The following DCDC1 variants were observed in gnomAD, a reference collection of about 807,000 sequenced individuals.
The protein encoded by DCDC1 is doublecortin domain-containing protein 1.
In DCDC1, 200 loss-of-function variants were observed where a neutral mutation model predicts 178.3. That is an observed-to-expected ratio of 1.12 (90% CI 1.00 to 1.26). DCDC1 has a LOEUF of 1.26. DCDC1 is among the 50% of genes most tolerant of loss of function. The probability of loss-of-function intolerance (pLI) is 0.00; values close to 1 mark genes in which losing one functional copy is unlikely to be tolerated. For synonymous variants in DCDC1, 690 were observed against 604.8 expected, an observed-to-expected ratio of 1.14 and a Z score of -2.07; for missense variants, 1,983 against 1,749.2, an observed-to-expected ratio of 1.13 and a Z score of -2.38.
At chr11:31,102,907 A>T (rs1318614562) in intron 14 of DCDC1, among the ~76,000 whole-genome samples, 1 of 152,184 alleles carries the variant, frequency 6.6e-6, no homozygotes, top group Non-Finnish European at 1.5e-5. Context: ...TCTGGGTTAG[A>T]ATCCTGGCTC....
intron 21 of DCDC1, chr11:30,944,179 T>C (rs1005730329): frequency 2.3e-4 from 83 of 367,676 alleles, no homozygotes; most frequent in Middle Eastern, 1.5e-3. Context: ...AAACTTTTTC[T>C]GTGAGTTTCT....
intron 6 of DCDC1, among the ~76,000 whole-genome samples, chr11:31,292,022 C>A (rs931864837): frequency 6.6e-6 from 1 of 151,930 alleles, no homozygotes; most frequent in African/African-American, 2.4e-5. Context: ...TATTCTTACC[C>A]CCCTTTCACT....
intron 20 of DCDC1, among the ~76,000 whole-genome samples, chr11:31,049,642 G>A (rs1047300722): frequency 7.9e-5 from 12 of 152,156 alleles, no homozygotes; most frequent in African/African-American, 2.9e-4. Context: ...GAAGTGGACT[G>A]CTCCTGCAGG....
chr11:31,210,404 C>T (rs1045532896), intron 9 of DCDC1, among the ~76,000 whole-genome samples: 2 of 152,136 alleles, frequency 1.3e-5, no homozygotes, highest in Non-Finnish European at 2.9e-5. Context: ...ATTTACTGAG[C>T]TCTTACTGTG....
chr11:30,945,079 C>T (rs1279403119), intron 21 of DCDC1, among the ~76,000 whole-genome samples: 1 of 145,406 alleles, frequency 6.9e-6, no homozygotes, highest in African/African-American at 2.5e-5. Context: ...AGCAATTCTC[C>T]TGCCTCAGCC....
At chr11:31,097,598 G>T (rs1029530317) in intron 15 of DCDC1, among the ~76,000 whole-genome samples, 1 of 152,110 alleles carries the variant, frequency 6.6e-6, no homozygotes, top group African/African-American at 2.4e-5. Flanking sequence ...CCAAGAAATG[G>T]AAAGAGTTGA....
intron 21 of DCDC1, among the ~76,000 whole-genome samples, chr11:30,940,365 G>A (rs1947553347): frequency 6.6e-6 from 1 of 152,048 alleles, no homozygotes; most frequent in South Asian, 2.1e-4. Context: ...CCTGCTTCCT[G>A]TTGACCAACC....
intron 21 of DCDC1, chr11:30,943,954 T>C (rs1420806567): frequency 4.1e-6 from 1 of 241,896 alleles, no homozygotes; most frequent in African/African-American, 2.3e-5. Context: ...CATACTTCCT[T>C]AGTCATCATT....
At chr11:31,244,380 CTCTTT>C (rs1435014620) in intron 8 of DCDC1, among the ~76,000 whole-genome samples, 4 of 151,662 alleles carry the variant, frequency 2.6e-5, no homozygotes, top group African/African-American at 7.2e-5. Context: ...TGGTTTTCTT[CTCTTT>C]TATGTAGAGT....
chr11:31,347,075 CAT>C (rs1400359506), intron 1 of DCDC1, among the ~76,000 whole-genome samples: 2 of 152,098 alleles, frequency 1.3e-5, no homozygotes, highest in African/African-American at 4.8e-5. Context: ...TTAGAGAGTA[CAT>C]GAGCAAAAAT....
At chr11:31,210,652 A>C (rs1028810632) in intron 9 of DCDC1, among the ~76,000 whole-genome samples, 1 of 151,618 alleles carries the variant, frequency 6.6e-6, no homozygotes, top group African/African-American at 2.4e-5. Context: ...CAGAGGTTGC[A>C]ATGAGCCAAG....
chr11:30,993,690 C>T (rs1056200292), intron 20 of DCDC1, among the ~76,000 whole-genome samples: 7 of 151,924 alleles, frequency 4.6e-5, no homozygotes, highest in African/African-American at 1.7e-4. Flanking sequence ...CAACTCTATG[C>T]CCATATATAT....
intron 17 of DCDC1, among the ~76,000 whole-genome samples, chr11:31,084,454 G>T (rs910937541): frequency 2.0e-5 from 3 of 152,076 alleles, no homozygotes; most frequent in African/African-American, 7.2e-5. Flanking sequence ...TTACCCAGAG[G>T]TGAGGTAAAC....
rs1386596805 is a variant in DCDC1 at position 31,142,920 on chromosome 11, A to ACAGCCC, written c.1222-5137_1222-5136insGGGCTG. Among the ~76,000 whole-genome samples the ACAGCCC allele has an allele frequency of 3.9e-5, 6 of 152,264 alleles. No individual in the cohort carries two copies. The East Asian group carries it at 1.2e-3, about 29-fold the overall frequency. ...AATTGTAGCTGTGGGCAAGGAGGGT[A>ACAGCCC]TTGGGAACCTGAGCTGAACCAAATT... On this transcript the variant is annotated intron_variant, in intron 9 of 38. Transcript: ENST00000684477.
chr11:31,177,421 G>T (rs182134985), intron 9 of DCDC1, among the ~76,000 whole-genome samples: 44 of 151,496 alleles, frequency 2.9e-4, no homozygotes, highest in Non-Finnish European at 5.2e-4. Flanking sequence ...AGAGAAAAAA[G>T]AAAATAAAAA....
At chr11:30,961,527 C>T (rs1025247488) in intron 20 of DCDC1, among the ~76,000 whole-genome samples, 2 of 151,942 alleles carry the variant, frequency 1.3e-5, no homozygotes, top group Admixed American at 6.6e-5. Context: ...TTTTGTTTTA[C>T]GCAAGGTGCT....
intron 1 of DCDC1, among the ~76,000 whole-genome samples, chr11:31,339,140 T>C (rs186685254): frequency 7.9e-5 from 12 of 152,282 alleles, no homozygotes; most frequent in African/African-American, 2.9e-4. Flanking sequence ...CATGTTTAAG[T>C]CAGTTGGTTG....
At chr11:30,992,351 G>A (rs1951035231) in intron 20 of DCDC1, 1 of 152,182 alleles carries the variant, frequency 6.6e-6, no homozygotes, top group Non-Finnish European at 1.5e-5. Flanking sequence ...AACCAAGACA[G>A]GCTACTTAAC....
intron 9 of DCDC1, among the ~76,000 whole-genome samples, chr11:31,165,618 AT>A (rs1966713101): frequency 1.3e-5 from 2 of 152,156 alleles, no homozygotes; most frequent in Admixed American, 6.5e-5. Flanking sequence ...GCTGAAAGCC[AT>A]TTTTTTAATT....
Sources: gnomAD v4.1 joint callset for allele counts (sites outside exome capture counted in the v4.1 genomes callset) on GRCh38, gnomAD v4.1.1 for gene constraint, MANE v1.5 for transcripts, NCBI Gene and HGNC (gene_info 2026-07-23, HGNC 2026-07-21) for gene names.